TBC1D2B: variants seen among roughly 807,000 people sequenced by gnomAD.
TBC1D2B encodes the protein TBC1 domain family member 2B.
A neutral mutation model predicts 100.8 loss-of-function variants in TBC1D2B; 64 were observed. The observed-to-expected ratio is 0.64, with a 90% CI of 0.52 to 0.78. The LOEUF is 0.78. Ranked by LOEUF, TBC1D2B falls within the 30% of genes least tolerant of loss-of-function variation. The pLI, the probability that TBC1D2B is intolerant of heterozygous loss-of-function variation, is 0.00. For synonymous variants in TBC1D2B, 480 were observed against 479.7 expected, an observed-to-expected ratio of 1.00 and a Z score of -0.01; for missense variants, 1,052 against 1,218.4, an observed-to-expected ratio of 0.86 and a Z score of 2.03.
chr15:78,053,925 T>C (rs1172173200), intron 2 of TBC1D2B, 109 bp downstream of exon 2: 11 of 1,201,496 alleles, frequency 9.2e-6, no homozygotes, highest in South Asian at 1.5e-5. Flanking sequence ...TAAGGTAGCA[T>C]CATTATTATT....
intron 3 of TBC1D2B, among the ~76,000 whole-genome samples, chr15:78,044,667 A>C (rs2073158985): frequency 6.6e-6 from 1 of 152,212 alleles, no homozygotes; most frequent in African/African-American, 2.4e-5. Context: ...TACTTCACAG[A>C]GTTGAGCAAT....
At chr15:78,069,534 C>T (rs866284814) in intron 1 of TBC1D2B, among the ~76,000 whole-genome samples, 39 of 152,302 alleles carry the variant, frequency 2.6e-4, no homozygotes, top group African/African-American at 8.7e-4. Context: ...CATGACCAAA[C>T]CATCAGTGCC....
rs1333634121 is a variant in TBC1D2B at position 78,077,607 on chromosome 15, C to T, written c.46G>A (p.Glu16Lys). ...ARAEEGGGGG[E>K]GAAQGAAAEP... is the part of the protein sequence containing the mutation. ...GCGGCCGCCCCCTGCGCCGCGCCCTCGCCGCCGCCGCCGCCCTCCTCCGCC... is the reference window on the plus strand; with the variant it reads ...GCGGCCGCCCCCTGCGCCGCGCCCTTGCCGCCGCCGCCGCCCTCCTCCGCC... Residue 16 changes from glutamate to lysine, a missense_variant, in exon 1 of 13, where the codon GAG becomes AAG. Glu to Lys is a moderately conservative substitution (Grantham distance 56). Transcript: ENST00000300584. 3 of 1,032,130 alleles carry T rather than the reference C, an allele frequency of 2.9e-6. No homozygotes were observed. Among genetic ancestry groups the T allele is most frequent in the Non-Finnish European group, 3.5e-6 (3 of 859,692 alleles). 63.9% of individuals were successfully genotyped at this position (1,032,130 alleles called of 1,614,324 possible). A position where few individuals can be genotyped will look rare whatever the true frequency, so the allele number is the denominator to read the frequency against.
intron 9 of TBC1D2B, among the ~76,000 whole-genome samples, chr15:78,011,006 G>GA (rs1212299944): frequency 6.6e-6 from 1 of 152,182 alleles, no homozygotes; most frequent in Non-Finnish European, 1.5e-5. Context: ...AGGACCCTGA[G>GA]TTTCACGGGT....
In TBC1D2B at chr15:78,077,438, C is replaced by G; in HGVS notation, c.215G>C (p.Ser72Thr). ...ARRCYLYYFK[S>T]PQDALPLGHL... ...GCCGAGGGGCAGCGCGTCCTGCGGA[C>G]TCTTGAAATAGTAAAGGTAGCAGCG... is the stretch of plus-strand genomic sequence containing the variant. Residue 72 changes from serine to threonine, a missense_variant, in exon 1 of 13, where the codon AGT becomes ACT. Around this residue, in one of 4 missense-constraint regions of TBC1D2B, gnomAD observed 627 missense variants for 646.1 expected, o/e 0.97. Transcript: ENST00000300584. 4 of 1,544,480 alleles carry G rather than the reference C, an allele frequency of 2.6e-6. No individual in the cohort carries two copies. Among genetic ancestry groups the G allele is most frequent in the Non-Finnish European group, 3.5e-6 (4 of 1,144,808 alleles).
Position 78,054,071 on chromosome 15 carries a change from C to T in TBC1D2B, c.477G>A (p.Gly159=), listed in dbSNP as rs752836918. The T allele has an allele frequency of 7.4e-6, 12 of 1,613,498 alleles. No individual in the cohort carries two copies. Among genetic ancestry groups the T allele is most frequent in the Admixed American group, 3.3e-5 (2 of 59,938 alleles). The change falls in exon 2 of 13, where the codon GGG becomes GGA. Residue 159 remains glycine (G), a synonymous_variant. Transcript: ENST00000300584. ...TGGCTACAAGACCCTTAGGAAAATC[C>T]CCGGGAGTTGGAGAGGTCCTGCTGT... The part of the protein sequence containing the change: ...KWDSRTSPTP[G]DFPKGLVARD...
intron 1 of TBC1D2B, among the ~76,000 whole-genome samples, chr15:78,062,821 C>T (rs2073576067): frequency 6.6e-6 from 1 of 152,168 alleles, no homozygotes; most frequent in African/African-American, 2.4e-5. Flanking sequence ...TCGCTTTATA[C>T]ACACTGTCAT....
intron 3 of TBC1D2B, among the ~76,000 whole-genome samples, chr15:78,044,375 T>C (rs1017959262): frequency 1.3e-5 from 2 of 152,202 alleles, no homozygotes; most frequent in Non-Finnish European, 2.9e-5. Flanking sequence ...GGAGGATCAC[T>C]TGAGCCCAGG....
chr15:78,040,880 A>AAGAAAGAAAGAAAGAAAGAAAGAAAG (rs1275983230), intron 3 of TBC1D2B, among the ~76,000 whole-genome samples: 34 of 147,960 alleles, frequency 2.3e-4, no homozygotes, highest in African/African-American at 7.6e-4. Flanking sequence ...GAAAGAAAGA[A>AAGAAAGAAAGAAAGAAAGAAAGAAAG]AGAGAGAGAG....
intron 11 of TBC1D2B, chr15:78,003,080 G>A (rs1348759832): frequency 2.1e-5 from 10 of 473,592 alleles, no homozygotes; most frequent in East Asian, 6.8e-5. Flanking sequence ...AGCTCCCAGC[G>A]CCTATCACAG....
chr15:77,999,074 C>T (rs2071842671), intron 12 of TBC1D2B: 1 of 287,306 alleles, frequency 3.5e-6, no homozygotes, highest in Non-Finnish European at 7.2e-6. Flanking sequence ...ACTAATGGGT[C>T]AGCCACACTG....
chr15:78,049,864 T>C (rs1334630869), intron 2 of TBC1D2B, among the ~76,000 whole-genome samples: 1 of 152,078 alleles, frequency 6.6e-6, no homozygotes. Context: ...TCAGAGAGCA[T>C]CTTGCTTTAC....
intron 1 of TBC1D2B, among the ~76,000 whole-genome samples, chr15:78,056,644 A>G (rs2073427324): frequency 6.6e-6 from 1 of 151,010 alleles, no homozygotes; most frequent in Admixed American, 6.6e-5. Context: ...GAGAGACACA[A>G]CCAGAGCCAA....
chr15:78,020,365 C>T (rs1300476393), intron 6 of TBC1D2B, among the ~76,000 whole-genome samples: 1 of 152,178 alleles, frequency 6.6e-6, no homozygotes, highest in Non-Finnish European at 1.5e-5. Flanking sequence ...TAACTTAAAA[C>T]TTGTGTTACA....
intron 9 of TBC1D2B, among the ~76,000 whole-genome samples, 183 bp from the exon 10 acceptor site, chr15:78,009,297 G>A (rs1016495026): frequency 6.6e-6 from 1 of 152,164 alleles, no homozygotes; most frequent in African/African-American, 2.4e-5. Flanking sequence ...CACTCTGGGA[G>A]GCCAAGACAG....
intron 1 of TBC1D2B, among the ~76,000 whole-genome samples, chr15:78,066,360 C>T (rs2073657788): frequency 6.6e-6 from 1 of 152,170 alleles, no homozygotes; most frequent in Non-Finnish European, 1.5e-5. Context: ...CTTAGAAAGC[C>T]ACCATCATAC....
chr15:78,022,703 C>T (rs904085622), intron 6 of TBC1D2B, among the ~76,000 whole-genome samples: 6 of 150,820 alleles, frequency 4.0e-5, no homozygotes, highest in Non-Finnish European at 8.8e-5. Context: ...GTGCAAGCCA[C>T]CATGCCTGGC....
At position 77,996,906 on chromosome 15, in the gene TBC1D2B, G is replaced by A. The variant is rs191815663; in HGVS notation, c.*1254C>T. On this transcript the variant is annotated 3_prime_UTR_variant, in exon 13 of 13. Transcript: ENST00000300584. The stretch of plus-strand genomic sequence containing the variant: ...ATCAGGGATGGTCTAGAGCGATTAA[G>A]CAAAAACAAGCTCCTTGCTCAAAGC... 3 of 152,180 alleles carry A rather than the reference G, an allele frequency of 2.0e-5. No individual in the cohort carries two copies. The highest frequency in any genetic ancestry group is 1.3e-4 in the Admixed American group (2 of 15,288). 9.4% of individuals were successfully genotyped at this position (152,180 alleles called of 1,614,324 possible).
At chr15:78,035,063 G>C (rs1001083376) in intron 3 of TBC1D2B, among the ~76,000 whole-genome samples, 6 of 152,202 alleles carry the variant, frequency 3.9e-5, no homozygotes, top group Admixed American at 1.3e-4. Flanking sequence ...TCATTTGACA[G>C]ATCTTTGAGA....
Sources: allele counts gnomAD v4.1 joint callset (sites outside exome capture counted in the v4.1 genomes callset), GRCh38; gene constraint gnomAD v4.1.1; regional missense constraint gnomAD v4.1.1; transcripts MANE v1.5; gene names NCBI Gene and HGNC (gene_info 2026-07-23, HGNC 2026-07-21).